DNAH8: variants seen among roughly 807,000 people sequenced by gnomAD.
The protein encoded by DNAH8 is axonemal beta dynein heavy chain 8.
A neutral mutation model predicts 562.1 loss-of-function variants in DNAH8; 382 were observed. The observed-to-expected ratio is 0.68, with a 90% confidence interval of 0.63 to 0.74. DNAH8 has a LOEUF of 0.74. DNAH8 is among the 30% of genes least tolerant of loss of function. DNAH8 has a pLI of 0.00. For synonymous variants in DNAH8, 1,881 were observed against 1,919.4 expected (o/e 0.98, Z 0.52); for missense variants, 5,203 against 5,620.4 (o/e 0.93, Z 2.37).
intron 88 of DNAH8, among the ~76,000 whole-genome samples, chr6:39,004,835 T>C (rs1340350481): frequency 6.6e-6 from 1 of 152,242 alleles, no homozygotes; most frequent in African/African-American, 2.4e-5. Context: ...GTTTTTGAAG[T>C]TCATCCATGT....
chr6:38,785,233 T>C (rs1390438460), intron 17 of DNAH8, among the ~76,000 whole-genome samples: 2 of 152,346 alleles, frequency 1.3e-5, no homozygotes, highest in African/African-American at 2.4e-5. Flanking sequence ...TTTGTCCTAG[T>C]GATGTGACTG....
chr6:38,985,386 C>A (rs780190129), intron 87 of DNAH8, among the ~76,000 whole-genome samples: 19 of 152,128 alleles, frequency 1.2e-4, no homozygotes, highest in African/African-American at 2.2e-4. Flanking sequence ...TTAAATGATT[C>A]TTTTTTCTTG....
At chr6:38,935,828 A>G (rs1315251280) in intron 77 of DNAH8, 131 bp downstream of exon 77, 11 of 613,894 alleles carry the variant, frequency 1.8e-5, no homozygotes, top group South Asian at 2.6e-5. Context: ...AAGCAAGGCA[A>G]TTTCCATCTA....
At chr6:38,823,159 C>A in intron 27 of DNAH8, 125 bp downstream of exon 27, 2 of 767,820 alleles carry the variant, frequency 2.6e-6, no homozygotes, top group Non-Finnish European at 4.0e-6. Flanking sequence ...CTATAAATAC[C>A]AAGCACCTGT....
At chr6:38,984,778 A>T (rs1194558725) in intron 87 of DNAH8, among the ~76,000 whole-genome samples, 6 of 152,144 alleles carry the variant, frequency 3.9e-5, no homozygotes, top group Non-Finnish European at 8.8e-5. Flanking sequence ...TGACAGAGTG[A>T]GACTCTGTCT....
chr6:38,737,768 A>T, intron 6 of DNAH8, 41 bp from the exon 7 acceptor site: 3 of 853,110 alleles, frequency 3.5e-6, no homozygotes, highest in Non-Finnish European at 3.1e-6. Flanking sequence ...AAAATATTTA[A>T]TATATAAATT....
chr6:38,982,210 C>T (rs920708112), intron 85 of DNAH8, 136 bp from the exon 86 acceptor site: 1 of 614,288 alleles, frequency 1.6e-6, no homozygotes, highest in Non-Finnish European at 3.0e-6. Flanking sequence ...GAATGTATAT[C>T]CAAAATTGTA....
At position 38,775,824 on chromosome 6, in the gene DNAH8, T is replaced by C. The variant is rs1768007169; in HGVS notation, c.1835T>C (p.Ile612Thr). 1.3e-6 allele frequency: 2 copies of C among 1,599,832 alleles called. No individual in the cohort carries two copies. The highest frequency in any genetic ancestry group is 8.6e-7 in the Non-Finnish European group (1 of 1,167,294). Residue 612 changes from isoleucine to threonine, a missense_variant, in exon 13 of 93, where the codon ATT becomes ACT. Transcript: ENST00000327475. Reference protein sequence around the residue: ...LSNSTIEGIDIMAIKFRNIYQ... With the variant: ...LSNSTIEGIDTMAIKFRNIYQ... ...AATTCTACCATAGAAGGAATAGATA[T>C]TATGGCAATAAAATTCAGAAATATA...
At chr6:38,733,404 A>G (rs938813427) in intron 4 of DNAH8, among the ~76,000 whole-genome samples, 2 of 152,198 alleles carry the variant, frequency 1.3e-5, no homozygotes, top group Admixed American at 1.3e-4. Flanking sequence ...CAATGAGTGT[A>G]TTTGGTACAG....
At chr6:38,729,869 C>G in intron 3 of DNAH8, 33 bp from the exon 4 acceptor site, 3 of 1,147,030 alleles carry the variant, frequency 2.6e-6, no homozygotes, top group Non-Finnish European at 3.8e-6. Flanking sequence ...TTTCCTTAGT[C>G]GTTTGATTAT....
chr6:38,914,649 C>T (rs11753138), intron 67 of DNAH8, among the ~76,000 whole-genome samples: 16,126 of 151,960 alleles, frequency 0.11, 1,038 homozygotes, highest in South Asian at 0.23. Flanking sequence ...GGTGCCCGGC[C>T]TATGTGCTGC....
At chr6:38,769,284 T>G (rs1400683128) in intron 11 of DNAH8, among the ~76,000 whole-genome samples, 1 of 152,210 alleles carries the variant, frequency 6.6e-6, no homozygotes, top group Admixed American at 6.5e-5. Flanking sequence ...GTTTGTTACA[T>G]AGGTATACAC....
At chr6:38,974,766 G>T (rs1302853803) in intron 85 of DNAH8, among the ~76,000 whole-genome samples, 1 of 152,196 alleles carries the variant, frequency 6.6e-6, no homozygotes, top group Non-Finnish European at 1.5e-5. Flanking sequence ...GGTGAAGACT[G>T]TCTTTTCGTA....
chr6:39,012,686 G>A, intron 91 of DNAH8, 49 bp downstream of exon 91: 1 of 1,406,956 alleles, frequency 7.1e-7, no homozygotes, highest in Non-Finnish European at 1.0e-6. Flanking sequence ...TGTATTGTTG[G>A]ATAGTAGCAT....
At chr6:38,856,615 C>T (rs1776218607) in intron 41 of DNAH8, among the ~76,000 whole-genome samples, 1 of 152,184 alleles carries the variant, frequency 6.6e-6, no homozygotes, top group African/African-American at 2.4e-5. Context: ...TTGCTCACTT[C>T]AGCCAGGTGC....
intron 56 of DNAH8, among the ~76,000 whole-genome samples, chr6:38,886,272 GC>G (rs1052618204): frequency 1.6e-4 from 25 of 152,204 alleles, no homozygotes; most frequent in Middle Eastern, 6.8e-3. Flanking sequence ...AAAAAAACAA[GC>G]CTCTGAAACC....
intron 24 of DNAH8, among the ~76,000 whole-genome samples, chr6:38,813,081 G>T (rs1424372947): frequency 6.6e-6 from 1 of 152,094 alleles, no homozygotes; most frequent in East Asian, 1.9e-4. Context: ...AATACCTTCA[G>T]CTGATTCTCT....
rs997948324 is a variant in DNAH8 at position 38,889,743 on chromosome 6, C to T, written c.8474-909C>T. Among the ~76,000 whole-genome samples the T allele has an allele frequency of 8.5e-5, 13 of 152,166 alleles. No homozygotes were observed. The East Asian group carries it at 1.5e-3, about 18-fold the overall frequency. On this transcript the variant is annotated intron_variant, in intron 57 of 92. Coordinates refer to ENST00000327475, the MANE Select transcript of DNAH8 (RefSeq NM_001206927.2). ...AGAATATAGGATTTCAGGAAGCAAA[C>T]GGACTTTACAGGCACTTAGCACAAC...
intron 76 of DNAH8, among the ~76,000 whole-genome samples, chr6:38,933,408 A>G (rs1020629175): frequency 1.3e-5 from 2 of 152,104 alleles, no homozygotes; most frequent in African/African-American, 2.4e-5. Flanking sequence ...TATTATACCC[A>G]TATTTTTACA....
Sources: allele counts gnomAD v4.1 joint callset (sites outside exome capture counted in the v4.1 genomes callset), GRCh38; gene constraint gnomAD v4.1.1; transcripts MANE v1.5; gene names NCBI Gene and HGNC (gene_info 2026-07-23, HGNC 2026-07-21).